FGF12: variants seen among roughly 807,000 people sequenced by gnomAD.
FGF12 encodes fibroblast growth factor 12.
A neutral mutation model predicts 23.6 loss-of-function variants in FGF12; 14 were observed. That is an observed-to-expected ratio of 0.59 (90% CI 0.39 to 0.93). The LOEUF is 0.93. Among genes scored for constraint, FGF12 ranks in the 40% least tolerant of loss-of-function variants. FGF12 has a pLI of 0.00. For missense variants in FGF12, 175 were observed against 217.8 expected, an observed-to-expected ratio of 0.80 and a Z score of 1.24; for synonymous variants, 62 against 77.3, an observed-to-expected ratio of 0.80 and a Z score of 1.04.
At chr3:192,239,325 A>AT (rs1310018818) in intron 4 of FGF12, among the ~76,000 whole-genome samples, 1 of 152,196 alleles carries the variant, frequency 6.6e-6, no homozygotes, top group African/African-American at 2.4e-5. Context: ...ATTTTGATAG[A>AT]TTTGTTTTTC....
At chr3:192,532,230 T>TTCCA (rs1393459990) in intron 2 of FGF12, among the ~76,000 whole-genome samples, 3 of 152,150 alleles carry the variant, frequency 2.0e-5, no homozygotes, top group African/African-American at 7.2e-5. Flanking sequence ...TTTGGCTGTG[T>TTCCA]GGGCTCTTTT....
intron 2 of FGF12, among the ~76,000 whole-genome samples, chr3:192,623,434 G>C (rs894826008): frequency 1.8e-4 from 28 of 152,218 alleles, no homozygotes; most frequent in African/African-American, 4.8e-4. Flanking sequence ...AGATTTGGGG[G>C]GTGATGCCTC....
At chr3:192,461,682 TG>T (rs1254019221) in intron 2 of FGF12, among the ~76,000 whole-genome samples, 4 of 152,140 alleles carry the variant, frequency 2.6e-5, no homozygotes, top group African/African-American at 4.8e-5. Flanking sequence ...GTGGGGAAGA[TG>T]TTTTTTAAAA....
intron 2 of FGF12, among the ~76,000 whole-genome samples, chr3:192,595,917 A>G (rs1443950567): frequency 6.6e-6 from 1 of 151,852 alleles, no homozygotes; most frequent in East Asian, 1.9e-4. Context: ...ACATGGTGAA[A>G]CCCTGTTTCT....
At chr3:192,200,055 T>G (rs7636508) in intron 4 of FGF12, among the ~76,000 whole-genome samples, 37,398 of 151,476 alleles carry the variant, frequency 0.25, 5,609 homozygotes, top group African/African-American at 0.42. Flanking sequence ...AGTGGCTCAC[T>G]CCTGTAATCC....
intron 2 of FGF12, among the ~76,000 whole-genome samples, chr3:192,504,719 C>G (rs1724242806): frequency 6.6e-6 from 1 of 152,168 alleles, no homozygotes; most frequent in South Asian, 2.1e-4. Flanking sequence ...CTCTCTCACA[C>G]TACTATTGGG....
intron 2 of FGF12, among the ~76,000 whole-genome samples, chr3:192,656,394 C>T (rs1412926581): frequency 6.6e-6 from 1 of 152,112 alleles, no homozygotes; most frequent in African/African-American, 2.4e-5. Flanking sequence ...AATTTAAACA[C>T]ACTCAGCATT....
intron 4 of FGF12, among the ~76,000 whole-genome samples, chr3:192,172,356 C>A (rs1715615101): frequency 6.7e-6 from 1 of 150,210 alleles, no homozygotes; most frequent in Non-Finnish European, 1.5e-5. Flanking sequence ...ACCCCACACT[C>A]CAGCTTGGGT....
intron 2 of FGF12, among the ~76,000 whole-genome samples, chr3:192,436,151 T>G (rs1722018632): frequency 6.6e-6 from 1 of 152,140 alleles, no homozygotes; most frequent in Non-Finnish European, 1.5e-5. Context: ...ATAGTCCATG[T>G]CTACAAGAAG....
intron 4 of FGF12, among the ~76,000 whole-genome samples, chr3:192,241,625 C>G (rs879481245): frequency 9.2e-5 from 14 of 152,058 alleles, no homozygotes; most frequent in Non-Finnish European, 1.9e-4. Flanking sequence ...CTCTCTCTCT[C>G]CAAAGTAGGT....
At chr3:192,271,966 T>C (rs1713466431) in intron 4 of FGF12, among the ~76,000 whole-genome samples, 4 of 152,200 alleles carry the variant, frequency 2.6e-5, no homozygotes, top group Admixed American at 2.6e-4. Context: ...GATTCTTGCC[T>C]AGAATCTGAT....
At chr3:192,710,557 C>G (rs575056620) in intron 2 of FGF12, among the ~76,000 whole-genome samples, 2 of 152,218 alleles carry the variant, frequency 1.3e-5, no homozygotes, top group Non-Finnish European at 2.9e-5. Flanking sequence ...AGGCAACTAA[C>G]TTGGATTGCA....
intron 2 of FGF12, among the ~76,000 whole-genome samples, chr3:192,593,169 G>A (rs972047270): frequency 2.0e-5 from 3 of 151,742 alleles, no homozygotes; most frequent in African/African-American, 7.2e-5. Context: ...ATTGACCCAG[G>A]AAGCCCTATA....
intron 2 of FGF12, among the ~76,000 whole-genome samples, chr3:192,720,903 C>T (rs183856705): frequency 6.6e-6 from 1 of 152,194 alleles, no homozygotes; most frequent in East Asian, 1.9e-4. Flanking sequence ...AGATGTACCC[C>T]GATTAAGACC....
chr3:192,158,891 T>C (rs1714707611), intron 5 of FGF12, among the ~76,000 whole-genome samples: 1 of 152,044 alleles, frequency 6.6e-6, no homozygotes, highest in South Asian at 2.1e-4. Context: ...GCTTGCACTG[T>C]GCAGTTCTTA....
At chr3:192,495,110 C>T (rs1177927485) in intron 2 of FGF12, among the ~76,000 whole-genome samples, 2 of 152,156 alleles carry the variant, frequency 1.3e-5, no homozygotes, top group Non-Finnish European at 2.9e-5. Context: ...CCACCCACCT[C>T]AGCCTCCCAA....
intron 2 of FGF12, among the ~76,000 whole-genome samples, chr3:192,649,621 T>C (rs1159318303): frequency 6.6e-6 from 1 of 152,164 alleles, no homozygotes; most frequent in Non-Finnish European, 1.5e-5. Flanking sequence ...AGTGCCATCT[T>C]GGCTCATTGC....
intron 4 of FGF12, among the ~76,000 whole-genome samples, chr3:192,276,548 C>T (rs901923104): frequency 1.3e-5 from 2 of 152,064 alleles, no homozygotes; most frequent in Admixed American, 1.3e-4. Flanking sequence ...AGTTAGAAAA[C>T]AATACCCCCA....
chr3:192,143,847 G>C lies in FGF12; in HGVS notation c.*162C>G, dbSNP rs570570379. The C allele has an allele frequency of 4.6e-4, 256 of 556,268 alleles. 4 individuals are homozygous for C. The South Asian group carries it at 5.6e-3, about 12-fold the overall frequency. The allele number at this position is 556,268 out of a possible 1,614,324, so 34.5% of individuals were successfully genotyped here. A position where few individuals can be genotyped will look rare whatever the true frequency, so the allele number is the denominator to read the frequency against. ...AAGCAAGCTTTGGTTCAATTTTCTT[G>C]TCCTACACAAAGGAAGATTTTGAGT... On this transcript the variant is annotated 3_prime_UTR_variant, in exon 6 of 6. Coordinates refer to ENST00000445105, the MANE Select transcript of FGF12 (RefSeq NM_004113.6).
Sources: gnomAD v4.1 joint callset for allele counts (sites outside exome capture counted in the v4.1 genomes callset) on GRCh38, gnomAD v4.1.1 for gene constraint, MANE v1.5 for transcripts, NCBI Gene and HGNC (gene_info 2026-07-23, HGNC 2026-07-21) for gene names.